PRKG1: variants seen among roughly 807,000 people sequenced by gnomAD.
The protein encoded by PRKG1 is protein kinase cGMP-dependent 1.
In PRKG1, 35 loss-of-function variants were observed where a neutral mutation model predicts 88.1. The observed-to-expected ratio is 0.40, with a 90% CI of 0.30 to 0.53. The LOEUF (loss-of-function observed/expected upper bound fraction) is 0.53. Among genes scored for constraint, PRKG1 ranks in the 20% least tolerant of loss-of-function variants. The probability of loss-of-function intolerance (pLI) is 0.59; values close to 1 mark genes in which losing one functional copy is unlikely to be tolerated. For synonymous variants in PRKG1, 303 were observed against 292.5 expected, an observed-to-expected ratio of 1.04 and a Z score of -0.37; for missense variants, 540 against 839.8, an observed-to-expected ratio of 0.64 and a Z score of 4.41.
chr10:52,057,891 T>C (rs975737805), intron 6 of PRKG1, among the ~76,000 whole-genome samples: 3 of 152,090 alleles, frequency 2.0e-5, no homozygotes, highest in Admixed American at 6.6e-5. Flanking sequence ...ACATTTTTTT[T>C]AATATCAAGA....
At position 51,818,763 on chromosome 10, in the gene PRKG1, T is replaced by C. The variant is rs1263118243; in HGVS notation, c.698+14073T>C. 1.0e-4 allele frequency among the ~76,000 whole-genome samples: 10 copies of C among 98,972 alleles called. 2 individuals carry two copies. The East Asian group carries it at 2.1e-3, about 21-fold the overall frequency. The allele number at this position is 98,972 out of a possible 152,430, so 64.9% of individuals were successfully genotyped here. A position where few individuals can be genotyped will look rare whatever the true frequency, so the allele number is the denominator to read the frequency against. On this transcript the variant is annotated intron_variant, in intron 4 of 17. Transcript: ENST00000373980. ...TGGCTCACGCCTGTAATCCCAGCAC[T>C]TTGGGAGGCCGAGGCGGGCGGATCA... is the stretch of plus-strand genomic sequence containing the variant.
At chr10:51,864,440 G>A (rs1009259146) in intron 4 of PRKG1, among the ~76,000 whole-genome samples, 1 of 152,158 alleles carries the variant, frequency 6.6e-6, no homozygotes, top group Non-Finnish European at 1.5e-5. Flanking sequence ...GAGTTAGATA[G>A]TACCCAACAC....
At chr10:51,363,646 G>T (rs556506009) in intron 2 of PRKG1, among the ~76,000 whole-genome samples, 1 of 151,852 alleles carries the variant, frequency 6.6e-6, no homozygotes, top group African/African-American at 2.4e-5. Context: ...TTAGAGACAC[G>T]TATTGTTGTC....
intron 9 of PRKG1, among the ~76,000 whole-genome samples, chr10:52,240,430 G>A (rs369144937): frequency 6.6e-6 from 1 of 152,056 alleles, no homozygotes. Context: ...ATGGGATCCC[G>A]GACCAGAAAA....
At chr10:51,824,771 C>T (rs1413807479) in intron 4 of PRKG1, among the ~76,000 whole-genome samples, 1 of 151,998 alleles carries the variant, frequency 6.6e-6, no homozygotes, top group African/African-American at 2.4e-5. Context: ...TTTGAACAAC[C>T]AGCTGTCACG....
At chr10:52,101,180 G>A (rs548291087) in intron 7 of PRKG1, among the ~76,000 whole-genome samples, 75 of 152,134 alleles carry the variant, frequency 4.9e-4, no homozygotes, top group Non-Finnish European at 8.8e-4. Flanking sequence ...ATGCAAGCAG[G>A]TTTATTTTTC....
chr10:52,276,051 C>T (rs1280581266), intron 12 of PRKG1, among the ~76,000 whole-genome samples: 1 of 152,140 alleles, frequency 6.6e-6, no homozygotes, highest in Non-Finnish European at 1.5e-5. Flanking sequence ...AGAAACTTTG[C>T]TGAATTCTGT....
intron 9 of PRKG1, among the ~76,000 whole-genome samples, chr10:52,221,242 C>A (rs1205918291): frequency 6.6e-6 from 1 of 151,984 alleles, no homozygotes; most frequent in Non-Finnish European, 1.5e-5. Flanking sequence ...TGAATTACTC[C>A]CGATTCTTGC....
At chr10:51,408,018 AG>A (rs1837971512) in intron 2 of PRKG1, among the ~76,000 whole-genome samples, 1 of 152,304 alleles carries the variant, frequency 6.6e-6, no homozygotes, top group African/African-American at 2.4e-5. Flanking sequence ...TAAGACCTCT[AG>A]GCCAGCATAA....
chr10:51,887,901 T>A (rs919434914), intron 4 of PRKG1, among the ~76,000 whole-genome samples: 1 of 152,154 alleles, frequency 6.6e-6, no homozygotes, highest in Admixed American at 6.5e-5. Context: ...GGAATTGTTT[T>A]TCAATGGTAT....
chr10:51,755,833 A>C (rs1018872676), intron 3 of PRKG1, among the ~76,000 whole-genome samples: 2 of 152,168 alleles, frequency 1.3e-5, no homozygotes, highest in Non-Finnish European at 2.9e-5. Context: ...TGGTTTAGGA[A>C]TTTTCCTTAT....
At chr10:51,150,296 G>T (rs1365297809) in intron 1 of PRKG1, among the ~76,000 whole-genome samples, 1 of 152,098 alleles carries the variant, frequency 6.6e-6, no homozygotes, top group Non-Finnish European at 1.5e-5. Flanking sequence ...GTTACAGTGA[G>T]TGTCTTAGAC....
chr10:51,780,027 C>T (rs904808194), intron 3 of PRKG1, among the ~76,000 whole-genome samples: 2 of 152,090 alleles, frequency 1.3e-5, no homozygotes, highest in African/African-American at 4.8e-5. Context: ...GTTTGATGAC[C>T]TAGTTGATTT....
intron 7 of PRKG1, among the ~76,000 whole-genome samples, chr10:52,121,398 T>A (rs914091058): frequency 2.0e-5 from 3 of 152,190 alleles, no homozygotes; most frequent in African/African-American, 7.2e-5. Context: ...CAAGCATGCT[T>A]TATTATTGTT....
intron 1 of PRKG1, among the ~76,000 whole-genome samples, chr10:51,000,812 G>A (rs957551718): frequency 1.3e-5 from 2 of 152,104 alleles, no homozygotes; most frequent in Non-Finnish European, 2.9e-5. Flanking sequence ...ACACAAGAAA[G>A]TTTTGGGAAA....
chr10:51,904,416 A>T (rs1012092533), intron 4 of PRKG1, among the ~76,000 whole-genome samples: 3 of 152,084 alleles, frequency 2.0e-5, no homozygotes, highest in Non-Finnish European at 4.4e-5. Flanking sequence ...AGGAAACTAA[A>T]CTAATATATT....
At chr10:51,305,132 T>A (rs1315154749) in intron 2 of PRKG1, among the ~76,000 whole-genome samples, 1 of 152,116 alleles carries the variant, frequency 6.6e-6, no homozygotes, top group African/African-American at 2.4e-5. Flanking sequence ...TGAGCTTGCA[T>A]CCTATAGGAG....
intron 1 of PRKG1, among the ~76,000 whole-genome samples, chr10:51,122,066 C>T (rs1216906079): frequency 6.6e-6 from 1 of 152,160 alleles, no homozygotes; most frequent in South Asian, 2.1e-4. Context: ...CGCTGCTAAA[C>T]ATTTTGGCAG....
chr10:51,806,716 G>T (rs778710764), intron 4 of PRKG1, among the ~76,000 whole-genome samples: 1 of 152,122 alleles, frequency 6.6e-6, no homozygotes, highest in Non-Finnish European at 1.5e-5. Context: ...TTTCAGTGGA[G>T]CACAGTTCCT....
Sources: gnomAD v4.1 joint callset for allele counts (sites outside exome capture counted in the v4.1 genomes callset) on GRCh38, gnomAD v4.1.1 for gene constraint, MANE v1.5 for transcripts, NCBI Gene and HGNC (gene_info 2026-07-23, HGNC 2026-07-21) for gene names.